The following MUC13 variants were observed in gnomAD, a reference collection of about 807,000 sequenced individuals.
MUC13 encodes mucin 13, cell surface associated.
In MUC13, 32 loss-of-function variants were observed where a neutral mutation model predicts 48.3. The ratio of observed to expected loss-of-function variants is 0.66; its 90% CI spans 0.50 to 0.89. MUC13 has a LOEUF of 0.89. Ranked by LOEUF, MUC13 falls within the 40% of genes least tolerant of loss-of-function variation. The probability of loss-of-function intolerance (pLI) is 0.00; values close to 1 mark genes in which losing one functional copy is unlikely to be tolerated. For missense variants in MUC13, 571 were observed against 622.8 expected (o/e 0.92, Z 0.88); for synonymous variants, 199 against 224.9 (o/e 0.88, Z 1.03).
chr3:124,914,449 G>T (rs1030729436), intron 6 of MUC13, among the ~76,000 whole-genome samples: 2 of 152,112 alleles, frequency 1.3e-5, no homozygotes, highest in Non-Finnish European at 2.9e-5. Flanking sequence ...AGAATGGAGT[G>T]GGGGAGAGAA....
rs545446040 is a variant in MUC13, at chr3:124,917,881, C to A, written c.801-1401G>T. On this transcript the variant is annotated intron_variant, in intron 5 of 11. Transcript: ENST00000616727. ...TAGCTTTGCACTGGGACTAGGAAAGCAAATGCCATCCATAATTTATTCATT... is the reference window on the plus strand; with the variant it reads ...TAGCTTTGCACTGGGACTAGGAAAGAAAATGCCATCCATAATTTATTCATT... 1.4e-4 allele frequency among the ~76,000 whole-genome samples: 22 copies of A among 152,214 alleles called. No individual in the cohort carries two copies. The South Asian group carries it at 2.3e-3, about 16-fold the overall frequency.
chr3:124,928,872 C>A (rs897287321), intron 1 of MUC13, among the ~76,000 whole-genome samples: 1 of 152,042 alleles, frequency 6.6e-6, no homozygotes, highest in East Asian at 1.9e-4. Context: ...GGCAACTGTC[C>A]CATTTTTTCA....
intron 6 of MUC13, among the ~76,000 whole-genome samples, chr3:124,915,187 C>T (rs1253650483): frequency 6.6e-6 from 1 of 152,210 alleles, no homozygotes. Flanking sequence ...GGACTGGCCC[C>T]AGTGGGTCAC....
intron 11 of MUC13, among the ~76,000 whole-genome samples, chr3:124,907,665 G>T (rs1122104): frequency 0.027 from 4,143 of 151,354 alleles, 76 homozygotes; most frequent in African/African-American, 0.043. Context: ...TATAGAGAGA[G>T]AGAGAGAGAG....
intron 8 of MUC13, 66 bp from the exon 9 acceptor site, chr3:124,912,207 C>T (rs888029406): frequency 1.5e-4 from 234 of 1,588,878 alleles, no homozygotes; most frequent in Non-Finnish European, 2.0e-4. Context: ...TCAGAGTTCC[C>T]ACCCCAATCT....
chr3:124,913,693 A>T lies in MUC13; in HGVS notation c.965-12T>A. On this transcript the variant is annotated splice_polypyrimidine_tract_variant and intron_variant, in intron 6 of 11. Transcript: ENST00000616727. ...ACACCGAAGGGTCACTGAGAAGCAC[A>T]AATAGTTTAAAAATATATTCAGCAT... The T allele has an allele frequency of 6.2e-7, 1 of 1,614,044 alleles. No individual in the cohort carries two copies. The highest frequency in any genetic ancestry group is 8.5e-7 in the Non-Finnish European group (1 of 1,179,918).
intron 5 of MUC13, among the ~76,000 whole-genome samples, chr3:124,919,799 A>C (rs940641775): frequency 1.6e-4 from 25 of 152,180 alleles, no homozygotes; most frequent in African/African-American, 6.0e-4. Context: ...TTCTCTAGCC[A>C]GGAGTGTGAT....
intron 1 of MUC13, among the ~76,000 whole-genome samples, chr3:124,931,458 A>G (rs1579373239): frequency 6.6e-6 from 1 of 151,550 alleles, no homozygotes; most frequent in African/African-American, 2.4e-5. Context: ...ACTTTTTAAA[A>G]ATTTTCAGGC....
chr3:124,917,300 C>T (rs1559998391), intron 5 of MUC13, among the ~76,000 whole-genome samples: 1 of 151,914 alleles, frequency 6.6e-6, no homozygotes, highest in Non-Finnish European at 1.5e-5. Flanking sequence ...GCTTTTAAGC[C>T]TCAGGATATA....
At chr3:124,924,577 C>T (rs942121555) in intron 2 of MUC13, among the ~76,000 whole-genome samples, 1 of 152,078 alleles carries the variant, frequency 6.6e-6, no homozygotes, top group Non-Finnish European at 1.5e-5. Context: ...AACATGCTCT[C>T]TTTTGTGAAT....
At chr3:124,919,644 C>T (rs1452085218) in intron 5 of MUC13, among the ~76,000 whole-genome samples, 2 of 152,158 alleles carry the variant, frequency 1.3e-5, no homozygotes, top group South Asian at 4.1e-4. Context: ...TATTAATGTG[C>T]TCCAGAGGAG....
chr3:124,916,593 C>T, intron 5 of MUC13, 113 bp from the exon 6 acceptor site: 1 of 1,173,968 alleles, frequency 8.5e-7, no homozygotes, highest in South Asian at 1.4e-5. Context: ...GCTGTCCTGT[C>T]CCTATGATTC....
chr3:124,930,317 AG>A (rs1222033795), intron 1 of MUC13, among the ~76,000 whole-genome samples: 1 of 150,906 alleles, frequency 6.6e-6, no homozygotes, highest in Non-Finnish European at 1.5e-5. Flanking sequence ...ACACATTCCA[AG>A]CTGACAGCAA....
At chr3:124,930,351 AT>A (rs34755348) in intron 1 of MUC13, among the ~76,000 whole-genome samples, 107,419 of 151,976 alleles carry the variant, frequency 0.71, 38,397 homozygotes, top group Middle Eastern at 0.84. Context: ...AATAGCTACG[AT>A]TTTTTTTTAA....
At chr3:124,933,836 A>C (rs780965015) in intron 1 of MUC13, among the ~76,000 whole-genome samples, 1 of 152,142 alleles carries the variant, frequency 6.6e-6, no homozygotes, top group Non-Finnish European at 1.5e-5. Context: ...TAGGAAGCCA[A>C]TTGGCCTCCA....
chr3:124,913,281 T>A (rs1385287707), intron 7 of MUC13, 41 bp from the exon 8 acceptor site: 2 of 1,590,212 alleles, frequency 1.3e-6, no homozygotes, highest in Non-Finnish European at 8.6e-7. Context: ...TCAGAAACAA[T>A]CTCTTTAACC....
At chr3:124,914,545 T>C (rs1935478746) in intron 6 of MUC13, among the ~76,000 whole-genome samples, 1 of 152,078 alleles carries the variant, frequency 6.6e-6, no homozygotes, top group African/African-American at 2.4e-5. Flanking sequence ...CACATGAAAA[T>C]GCCTCTGATT....
In MUC13 at chr3:124,910,064, T is replaced by C. The variant is rs555366653; in HGVS notation, c.1337+351A>G. 3.9e-5 allele frequency among the ~76,000 whole-genome samples: 6 copies of C among 152,332 alleles called. No homozygotes were observed. In the East Asian group the frequency reaches 1.2e-3, roughly 29 times the overall value. Reference sequence around the variant, plus strand: ...CGCCCCTTTACCCACTTCTCTATTTTCTTGATTTTCTTCCATGGTCCTGCT... The same window carrying C: ...CGCCCCTTTACCCACTTCTCTATTTCCTTGATTTTCTTCCATGGTCCTGCT... On this transcript the variant is annotated intron_variant, in intron 10 of 11. Transcript: ENST00000616727.
intron 4 of MUC13, among the ~76,000 whole-genome samples, chr3:124,921,966 A>G (rs994342460): frequency 1.3e-5 from 2 of 152,214 alleles, no homozygotes; most frequent in African/African-American, 2.4e-5. Flanking sequence ...GTGCAAGACC[A>G]TGGGGTGGTC....
Sources: gnomAD v4.1 joint callset for allele counts (sites outside exome capture counted in the v4.1 genomes callset) on GRCh38, gnomAD v4.1.1 for gene constraint, MANE v1.5 for transcripts, NCBI Gene and HGNC (gene_info 2026-07-23, HGNC 2026-07-21) for gene names.